The following FKBP3 variants were observed in gnomAD, a reference collection of about 807,000 sequenced individuals.
The protein encoded by FKBP3 is peptidyl-prolyl cis-trans isomerase FKBP3.
In FKBP3, 21 loss-of-function variants were observed where a neutral mutation model predicts 30.6. That is an observed-to-expected ratio of 0.69 (90% CI 0.49 to 0.99). The LOEUF (loss-of-function observed/expected upper bound fraction) is 0.99, where lower values mean the gene tolerates loss of function less well. Among genes scored for constraint, FKBP3 ranks in the 50% least tolerant of loss-of-function variants. FKBP3 has a pLI of 0.00. For synonymous variants in FKBP3, 82 were observed against 91.3 expected, an observed-to-expected ratio of 0.90 and a Z score of 0.58; for missense variants, 283 against 261.6, an observed-to-expected ratio of 1.08 and a Z score of -0.56.
chr14:45,116,491 T>C (rs573854694), intron 6 of FKBP3, among the ~76,000 whole-genome samples: 7 of 151,344 alleles, frequency 4.6e-5, no homozygotes, highest in African/African-American at 1.5e-4. Context: ...AAAAAAAATA[T>C]ATATACATAT....
intron 2 of FKBP3, 98 bp from the exon 3 acceptor site, chr14:45,129,999 A>G (rs1306105664): frequency 3.3e-6 from 2 of 614,314 alleles, no homozygotes; most frequent in Non-Finnish European, 5.6e-6. Flanking sequence ...CATCTGCATA[A>G]TAAATATAGG....
intron 3 of FKBP3, among the ~76,000 whole-genome samples, chr14:45,123,898 G>T (rs941144647): frequency 6.6e-6 from 1 of 151,930 alleles, no homozygotes; most frequent in Non-Finnish European, 1.5e-5. Context: ...GATTACAAGC[G>T]TGAGCCACCA....
intron 3 of FKBP3, 102 bp from the exon 4 acceptor site, chr14:45,121,722 T>C (rs1208503071): frequency 2.5e-5 from 33 of 1,314,298 alleles, no homozygotes; most frequent in Non-Finnish European, 3.0e-5. Context: ...TTTAAAGAGT[T>C]TGATGGATTT....
intron 1 of FKBP3, among the ~76,000 whole-genome samples, chr14:45,132,571 T>C (rs1467483505): frequency 6.6e-6 from 1 of 151,916 alleles, no homozygotes; most frequent in Non-Finnish European, 1.5e-5. Flanking sequence ...CTAATTTTTT[T>C]TGTATTTTTA....
intron 6 of FKBP3, 28 bp from the exon 7 acceptor site, chr14:45,116,280 T>C: frequency 6.3e-7 from 1 of 1,585,010 alleles, no homozygotes; most frequent in Non-Finnish European, 8.7e-7. Flanking sequence ...GTACATTTGA[T>C]AAAAAGTGCC....
intron 2 of FKBP3, among the ~76,000 whole-genome samples, 198 bp from the exon 3 acceptor site, chr14:45,130,099 T>C (rs1885182641): frequency 6.6e-6 from 1 of 152,194 alleles, no homozygotes; most frequent in African/African-American, 2.4e-5. Flanking sequence ...CAATAAATGA[T>C]TACCCTCAAA....
intron 1 of FKBP3, among the ~76,000 whole-genome samples, chr14:45,132,901 G>A (rs985841987): frequency 9.9e-5 from 15 of 152,154 alleles, no homozygotes; most frequent in African/African-American, 2.9e-4. Context: ...AAATGTTAAT[G>A]ATGTCTATTC....
At chr14:45,120,406 G>A (rs1433886258) in intron 5 of FKBP3, among the ~76,000 whole-genome samples, 1 of 152,194 alleles carries the variant, frequency 6.6e-6, no homozygotes, top group Non-Finnish European at 1.5e-5. Context: ...TGCAGCCTAT[G>A]TTGTATGAGG....
rs376432580 is a variant in FKBP3 at position 45,120,787 on chromosome 14, T to C, written c.522+100A>G. Reference sequence around the variant, plus strand: ...CCAATCTGTCAGACTCCAAAGTCTGTTTCCTTTGTATTATATCCCCAAACC... The same window carrying C: ...CCAATCTGTCAGACTCCAAAGTCTGCTTCCTTTGTATTATATCCCCAAACC... On this transcript the variant is annotated intron_variant, in intron 5 of 6. Transcript: ENST00000396062. 3.2e-4 allele frequency: 300 copies of C among 945,854 alleles called. 1 individual carries two copies. The highest frequency in any genetic ancestry group is 2.9e-3 in the African/African-American group (175 of 61,354). 58.6% of individuals were successfully genotyped at this position (945,854 alleles called of 1,614,324 possible).
chr14:45,119,601 T>A (rs1279676660), intron 5 of FKBP3, among the ~76,000 whole-genome samples: 1 of 151,456 alleles, frequency 6.6e-6, no homozygotes, highest in Non-Finnish European at 1.5e-5. Context: ...CTAGAAGAAA[T>A]TTACCAGTAT....
intron 1 of FKBP3, 119 bp downstream of exon 1, chr14:45,134,230 C>G (rs966794851): frequency 1.1e-6 from 1 of 871,518 alleles, no homozygotes; most frequent in East Asian, 2.6e-5. Flanking sequence ...GCCTTCCAGG[C>G]CACCGGCCGC....
intron 1 of FKBP3, among the ~76,000 whole-genome samples, chr14:45,131,930 A>T (rs1043453968): frequency 5.9e-5 from 9 of 152,240 alleles, no homozygotes; most frequent in African/African-American, 2.2e-4. Flanking sequence ...GGACACTAAA[A>T]TACTACTGCT....
chr14:45,115,877 T>G lies in FKBP3; in HGVS notation c.*321A>C. The G allele has an allele frequency of 4.2e-6, 1 of 237,692 alleles. No individual in the cohort carries two copies. Among genetic ancestry groups the G allele is most frequent in the Non-Finnish European group, 8.5e-6 (1 of 117,428 alleles). 14.7% of individuals were successfully genotyped at this position (237,692 alleles called of 1,614,324 possible). A position where few individuals can be genotyped will look rare whatever the true frequency, so the allele number is the denominator to read the frequency against. ...TTCCCTAATCAGAACAATAATATAT[T>G]AACACCAAACAAATCACAGTCAGAT... On this transcript the variant is annotated 3_prime_UTR_variant, in exon 7 of 7. Coordinates refer to ENST00000396062, the MANE Select transcript of FKBP3 (RefSeq NM_002013.4).
At position 45,124,672 on chromosome 14, in the gene FKBP3, C is replaced by G. The variant is rs1885059975; in HGVS notation, c.319-3052G>C. 2.0e-5 allele frequency among the ~76,000 whole-genome samples: 3 copies of G among 151,820 alleles called. No homozygotes were observed. The South Asian group carries it at 6.2e-4, about 31-fold the overall frequency. ...TGTGATCACGGCTCACTTATAGGCT[C>G]TAGCAGTCCACCTGCCTCAGTCTCC... is the stretch of plus-strand genomic sequence containing the variant. On this transcript the variant is annotated intron_variant, in intron 3 of 6. Coordinates refer to ENST00000396062, the MANE Select transcript of FKBP3 (RefSeq NM_002013.4).
chr14:45,134,259 G>A (rs990815779), intron 1 of FKBP3, 90 bp downstream of exon 1: 2 of 1,049,564 alleles, frequency 1.9e-6, no homozygotes, highest in African/African-American at 1.6e-5. Flanking sequence ...GAGGGCGGGG[G>A]CACAGAGGAA....
rs1222861032 is a variant in FKBP3 at position 45,131,982 on chromosome 14, A to G, written c.109-1182T>C. On this transcript the variant is annotated intron_variant, in intron 1 of 6. Transcript: ENST00000396062. ...GTATAACTTTATCTGAAAATCACGT[A>G]ATTGTGAGGATTTCCATAACTTCTT... Among the ~76,000 whole-genome samples the G allele has an allele frequency of 2.0e-5, 3 of 152,306 alleles. No homozygotes were observed. The East Asian group carries it at 5.8e-4, about 29-fold the overall frequency.
intron 2 of FKBP3, 41 bp from the exon 3 acceptor site, chr14:45,129,942 A>T (rs1189011749): frequency 1.2e-5 from 15 of 1,294,000 alleles, no homozygotes; most frequent in Non-Finnish European, 1.6e-5. Flanking sequence ...AGGACAGGCT[A>T]AAACCAAGAA....
chr14:45,121,366 A>G (rs1884980657), intron 4 of FKBP3, 119 bp downstream of exon 4: 1 of 757,758 alleles, frequency 1.3e-6, no homozygotes, highest in South Asian at 2.1e-5. Context: ...GGGGGAAAGT[A>G]TGTCTGGATG....
rs909783158 is a variant in FKBP3 at position 45,134,424 on chromosome 14, G to A, written c.33C>T (p.Thr11=). 2 of 1,612,694 alleles carry A rather than the reference G, an allele frequency of 1.2e-6. No individual in the cohort carries two copies. Among genetic ancestry groups the A allele is most frequent in the Non-Finnish European group, 8.5e-7 (1 of 1,179,556 alleles). MAAAVPQRAW[T]VEQLRSEQLP... The stretch of plus-strand genomic sequence containing the variant: ...GCTGCTCACTGCGCAGCTGCTCCAC[G>A]GTCCACGCCCGCTGTGGAACGGCCG... The change falls in exon 1 of 7, where the codon ACC becomes ACT. Residue 11 remains threonine, a synonymous_variant. Coordinates refer to ENST00000396062, the MANE Select transcript of FKBP3 (RefSeq NM_002013.4).
Sources: allele counts gnomAD v4.1 joint callset (sites outside exome capture counted in the v4.1 genomes callset), GRCh38; gene constraint gnomAD v4.1.1; transcripts MANE v1.5; gene names NCBI Gene and HGNC (gene_info 2026-07-23, HGNC 2026-07-21).